FLRT1: variants seen among roughly 807,000 people sequenced by gnomAD.
FLRT1 encodes fibronectin leucine rich transmembrane protein 1, also known as leucine-rich repeat transmembrane protein FLRT1.
FLRT1 carries 14 observed loss-of-function variants against 30.9 expected under a neutral mutation model. That is an observed-to-expected ratio of 0.45 (90% CI 0.30 to 0.71). The LOEUF (loss-of-function observed/expected upper bound fraction) is 0.71, where lower values mean the gene tolerates loss of function less well. Among genes scored for constraint, FLRT1 ranks in the 30% least tolerant of loss-of-function variants. The probability of loss-of-function intolerance (pLI) is 0.08; values close to 1 mark genes in which losing one functional copy is unlikely to be tolerated. For missense variants in FLRT1, 737 were observed against 949.2 expected, an observed-to-expected ratio of 0.78 and a Z score of 2.94; for synonymous variants, 368 against 430.4, an observed-to-expected ratio of 0.85 and a Z score of 1.80.
chr11:64,065,717 G>A (rs1182726559), intron 1 of FLRT1, among the ~76,000 whole-genome samples: 2 of 151,442 alleles, frequency 1.3e-5, no homozygotes, highest in Admixed American at 6.6e-5. Flanking sequence ...GTGAACCCGG[G>A]AGGCGGAGCT....
intron 1 of FLRT1, among the ~76,000 whole-genome samples, chr11:64,074,200 G>A (rs1014521658): frequency 1.3e-5 from 2 of 152,256 alleles, no homozygotes; most frequent in Non-Finnish European, 2.9e-5. Flanking sequence ...CCGAGGCAGA[G>A]AGAAAGGAGG....
Position 64,053,557 on chromosome 11 carries a change from C to CA in FLRT1, c.-1038+17399dup, listed in dbSNP as rs954026836. On this transcript the variant is annotated intron_variant, in intron 1 of 2. Coordinates refer to ENST00000682287, the MANE Select transcript of FLRT1 (RefSeq NM_013280.5). Reference sequence around the variant, plus strand: ...GAGGCTGTAGGGACAACCCTGGACTCAGACACCACAGCACACAAGGGCCAG... The same window carrying CA: ...GAGGCTGTAGGGACAACCCTGGACTCAAGACACCACAGCACACAAGGGCCAG... Among the ~76,000 whole-genome samples, 43 of 152,212 alleles carry CA rather than the reference C, an allele frequency of 2.8e-4. 1 individual carries two copies. Among genetic ancestry groups the CA allele is most frequent in the African/African-American group, 8.7e-4 (36 of 41,526 alleles).
intron 1 of FLRT1, among the ~76,000 whole-genome samples, chr11:64,070,834 C>G (rs74753444): frequency 2.0e-5 from 3 of 152,272 alleles, no homozygotes; most frequent in African/African-American, 7.2e-5. Context: ...TGCTCTTTCT[C>G]GTTTTGGAAG....
intron 1 of FLRT1, among the ~76,000 whole-genome samples, chr11:64,078,011 TC>T (rs1944235125): frequency 6.6e-6 from 1 of 152,142 alleles, no homozygotes; most frequent in African/African-American, 2.4e-5. Flanking sequence ...CCAGACGCTC[TC>T]CCCGTGCCCA....
intron 2 of FLRT1, 113 bp from the exon 3 acceptor site, chr11:64,116,106 G>A (rs781752514): frequency 3.7e-5 from 42 of 1,130,094 alleles, no homozygotes; most frequent in South Asian, 2.9e-4. Flanking sequence ...CCGCAGGACC[G>A]GACTTCGGTC....
intron 1 of FLRT1, among the ~76,000 whole-genome samples, chr11:64,079,398 G>A (rs1752658966): frequency 6.6e-6 from 1 of 151,532 alleles, no homozygotes; most frequent in Non-Finnish European, 1.5e-5. Flanking sequence ...GAAGGGGGTC[G>A]TTGGGGATGG....
chr11:64,073,018 C>T (rs954798425), intron 1 of FLRT1, among the ~76,000 whole-genome samples: 1 of 152,226 alleles, frequency 6.6e-6, no homozygotes, highest in African/African-American at 2.4e-5. Flanking sequence ...GACCCACCCA[C>T]AGGCAGCCAG....
chr11:64,038,984 T>TG (rs1943434374), intron 1 of FLRT1, among the ~76,000 whole-genome samples: 2 of 152,002 alleles, frequency 1.3e-5, no homozygotes, highest in Admixed American at 1.3e-4. Context: ...TGCCTAGCAA[T>TG]GTGGGGCCCT....
chr11:64,092,940 A>G (rs1318148489), intron 1 of FLRT1, among the ~76,000 whole-genome samples: 1 of 152,232 alleles, frequency 6.6e-6, no homozygotes, highest in Non-Finnish European at 1.5e-5. Flanking sequence ...TAATATGCTA[A>G]TGTGCCCTGT....
chr11:64,059,075 G>C (rs538028497), intron 1 of FLRT1, among the ~76,000 whole-genome samples: 1 of 152,344 alleles, frequency 6.6e-6, no homozygotes, highest in East Asian at 1.9e-4. Context: ...TGCACTGGGG[G>C]AAACTGAGGC....
intron 1 of FLRT1, among the ~76,000 whole-genome samples, chr11:64,052,513 C>T (rs1041604324): frequency 6.6e-6 from 1 of 152,152 alleles, no homozygotes; most frequent in African/African-American, 2.4e-5. Flanking sequence ...GAAGTTAGCC[C>T]TTCTGAGGTT....
At chr11:64,046,801 G>T (rs1943592925) in intron 1 of FLRT1, among the ~76,000 whole-genome samples, 1 of 152,084 alleles carries the variant, frequency 6.6e-6, no homozygotes, top group Admixed American at 6.5e-5. Flanking sequence ...GCCTGGCCTG[G>T]CCCGTTCTTT....
chr11:64,095,410 G>C (rs11231694), intron 1 of FLRT1, among the ~76,000 whole-genome samples: 14,714 of 152,190 alleles, frequency 0.097, 1,021 homozygotes, highest in East Asian at 0.36. Context: ...GCCAGAGAGA[G>C]CATGTTTATG....
chr11:64,042,174 A>ATGCACACACTCT (rs1232263701), intron 1 of FLRT1, among the ~76,000 whole-genome samples: 6 of 152,110 alleles, frequency 3.9e-5, no homozygotes, highest in African/African-American at 1.4e-4. Context: ...ATGCACCTTC[A>ATGCACACACTCT]TGCACACACT....
chr11:64,065,721 C>T (rs976837824), intron 1 of FLRT1, among the ~76,000 whole-genome samples: 3 of 143,504 alleles, frequency 2.1e-5, no homozygotes, highest in Non-Finnish European at 3.0e-5. Context: ...ACCCGGGAGG[C>T]GGAGCTTGCA....
intron 1 of FLRT1, among the ~76,000 whole-genome samples, chr11:64,078,954 C>T (rs12796663): frequency 0.47 from 71,704 of 151,874 alleles, 18,740 homozygotes; most frequent in Non-Finnish European, 0.59. Context: ...TGGTGAATGG[C>T]GGAGACAGAG....
intron 1 of FLRT1, among the ~76,000 whole-genome samples, chr11:64,053,220 G>T (rs1419758989): frequency 6.6e-6 from 1 of 152,164 alleles, no homozygotes. Context: ...GTGGGGTGAG[G>T]CTCCCCTCTT....
At position 64,116,717 on chromosome 11, in the gene FLRT1, C is replaced by G. The variant is rs1326840522; in HGVS notation, c.450C>G (p.Ile150Met). ...RTIARDSLAR[I>M]PLLEKLHLDD... ...TTGCCAGGGACTCGCTGGCCCGCATCCCGCTGCTGGAGAAGCTGCACCTGG... is the reference window on the plus strand; with the variant it reads ...TTGCCAGGGACTCGCTGGCCCGCATGCCGCTGCTGGAGAAGCTGCACCTGG... Residue 150 changes from isoleucine (I) to methionine (M), a missense_variant, in exon 3 of 3, where the codon ATC becomes ATG. Ile to Met is a conservative substitution (Grantham distance 10). Coordinates refer to ENST00000682287, the MANE Select transcript of FLRT1 (RefSeq NM_013280.5). 2 of 1,613,656 alleles carry G rather than the reference C, an allele frequency of 1.2e-6. No individual in the cohort carries two copies. The highest frequency in any genetic ancestry group is 2.7e-5 in the African/African-American group (2 of 74,920).
intron 1 of FLRT1, among the ~76,000 whole-genome samples, chr11:64,065,090 G>A (rs948683035): frequency 1.3e-5 from 2 of 152,216 alleles, no homozygotes; most frequent in Non-Finnish European, 2.9e-5. Context: ...AGCCAGACTC[G>A]GCGGCCTCGG....
Sources: gnomAD v4.1 joint callset for allele counts (sites outside exome capture counted in the v4.1 genomes callset) on GRCh38, gnomAD v4.1.1 for gene constraint, MANE v1.5 for transcripts, NCBI Gene and HGNC (gene_info 2026-07-23, HGNC 2026-07-21) for gene names.